The following ACYP2 variants were observed in gnomAD, a reference collection of about 807,000 sequenced individuals.
The protein encoded by ACYP2 is acylphosphatase-2.
In ACYP2, 12 loss-of-function variants were observed where a neutral mutation model predicts 11.2. The observed-to-expected ratio is 1.08, with a 90% CI of 0.69 to 1.74. ACYP2 has a LOEUF of 1.74. Among genes scored for constraint, ACYP2 ranks in the 40% most tolerant of loss-of-function variants. The pLI, the probability that ACYP2 is intolerant of heterozygous loss-of-function variation, is 0.00. For missense variants in ACYP2, 134 were observed against 101.9 expected, an observed-to-expected ratio of 1.31 and a Z score of -1.35; for synonymous variants, 43 against 32.2, an observed-to-expected ratio of 1.33 and a Z score of -1.13.
chr2:54,068,948 G>A (rs1676878364), intron 4 of ACYP2, among the ~76,000 whole-genome samples: 1 of 150,780 alleles, frequency 6.6e-6, no homozygotes, highest in Non-Finnish European at 1.5e-5. Flanking sequence ...TATTTTTAAG[G>A]CAGGGTCTCT....
At chr2:54,128,527 C>CGTG (rs943020934) in intron 4 of ACYP2, among the ~76,000 whole-genome samples, 7 of 152,150 alleles carry the variant, frequency 4.6e-5, no homozygotes, top group African/African-American at 1.4e-4. Context: ...ACTATCCAGA[C>CGTG]GTGGTGGTGT....
intron 2 of ACYP2, among the ~76,000 whole-genome samples, chr2:53,986,571 A>G (rs1672047372): frequency 6.6e-6 from 1 of 151,526 alleles, no homozygotes; most frequent in Non-Finnish European, 1.5e-5. Flanking sequence ...TCCTGACCTC[A>G]AGTGATCCTC....
chr2:54,102,418 C>G (rs922373672), intron 4 of ACYP2, among the ~76,000 whole-genome samples: 2 of 152,024 alleles, frequency 1.3e-5, no homozygotes, highest in African/African-American at 2.4e-5. Context: ...GATTCAAGAA[C>G]TCAAATGATG....
chr2:54,006,895 C>G (rs538662781), intron 2 of ACYP2, among the ~76,000 whole-genome samples: 1 of 151,890 alleles, frequency 6.6e-6, no homozygotes, highest in Non-Finnish European at 1.5e-5. Context: ...GAGACCGAGG[C>G]GGATGGATCA....
intron 6 of ACYP2, among the ~76,000 whole-genome samples, chr2:54,269,638 A>G (rs979934648): frequency 6.6e-6 from 1 of 152,220 alleles, no homozygotes; most frequent in Non-Finnish European, 1.5e-5. Context: ...AGGAAGCTGA[A>G]TAACTTACCA....
chr2:54,208,207 CTTT>C (rs1298417097), intron 6 of ACYP2, among the ~76,000 whole-genome samples: 3 of 150,820 alleles, frequency 2.0e-5, no homozygotes, highest in South Asian at 2.1e-4. Context: ...AAAAAAAAAA[CTTT>C]TTATTTCCCC....
At chr2:54,238,497 A>G (rs1686595351) in intron 6 of ACYP2, among the ~76,000 whole-genome samples, 1 of 152,176 alleles carries the variant, frequency 6.6e-6, no homozygotes, top group African/African-American at 2.4e-5. Flanking sequence ...AAGTCTTTTA[A>G]TTTGTATGGT....
chr2:54,094,884 T>G (rs1192619848), intron 4 of ACYP2, among the ~76,000 whole-genome samples: 3 of 152,170 alleles, frequency 2.0e-5, no homozygotes, highest in Non-Finnish European at 4.4e-5. Context: ...CTGTTTTTTT[T>G]TAAACTTCCT....
chr2:54,280,929 G>C (rs980313376), intron 6 of ACYP2, among the ~76,000 whole-genome samples: 1 of 152,128 alleles, frequency 6.6e-6, no homozygotes. Flanking sequence ...GAATCTACCA[G>C]GTGTCAGAAT....
intron 2 of ACYP2, among the ~76,000 whole-genome samples, chr2:54,037,657 C>A (rs951477087): frequency 2.0e-5 from 3 of 152,146 alleles, no homozygotes; most frequent in East Asian, 1.9e-4. Flanking sequence ...ATCCTCCCCC[C>A]TCACCCTCCC....
intron 6 of ACYP2, among the ~76,000 whole-genome samples, chr2:54,242,697 A>G (rs1039031687): frequency 1.3e-5 from 2 of 152,114 alleles, no homozygotes; most frequent in African/African-American, 4.8e-5. Flanking sequence ...CATACTATAC[A>G]CTCCATTGCA....
chr2:54,249,999 T>G lies in ACYP2; in HGVS notation c.405-54689T>G, dbSNP rs556509461. Among the ~76,000 whole-genome samples the G allele has an allele frequency of 8.0e-5, 12 of 150,894 alleles. No homozygotes were observed. In the East Asian group the frequency reaches 2.3e-3, roughly 29 times the overall value. On this transcript the variant is annotated intron_variant, in intron 6 of 6. Transcript: ENST00000607452. ...CACATAGTTTTCATCCTTTAAGTGG[T>G]TTGCTTAAGTTAACATCTGGTTTAT...
In ACYP2 at chr2:54,304,856, C is replaced by A; in HGVS notation, c.*54C>A. 2 of 985,716 alleles carry A rather than the reference C, an allele frequency of 2.0e-6. No homozygotes were observed. Among genetic ancestry groups the A allele is most frequent in the Non-Finnish European group, 3.0e-6 (2 of 657,524 alleles). The allele number at this position is 985,716 out of a possible 1,614,324, so 61.1% of individuals were successfully genotyped here. On this transcript the variant is annotated 3_prime_UTR_variant, in exon 7 of 7. Coordinates refer to ENST00000607452, the MANE Select transcript of ACYP2 (RefSeq NM_001320586.2). ...CAATAGATACTGTATGTTCTTAAGA[C>A]TATGTATACTAGAATAATAGTAGCA... is the stretch of plus-strand genomic sequence containing the variant.
At chr2:54,287,346 C>T (rs1168663923) in intron 6 of ACYP2, among the ~76,000 whole-genome samples, 1 of 152,078 alleles carries the variant, frequency 6.6e-6, no homozygotes, top group East Asian at 1.9e-4. Flanking sequence ...CCCCTCATGA[C>T]CTAATCACCT....
intron 6 of ACYP2, among the ~76,000 whole-genome samples, chr2:54,273,406 T>G (rs1409084229): frequency 6.6e-6 from 1 of 152,248 alleles, no homozygotes; most frequent in Non-Finnish European, 1.5e-5. Flanking sequence ...CTGTAGATTT[T>G]GTAATTATGG....
intron 6 of ACYP2, chr2:54,256,090 T>G: frequency 6.2e-7 from 1 of 1,614,102 alleles, no homozygotes; most frequent in Non-Finnish European, 8.5e-7. Flanking sequence ...CTGGCCCTGG[T>G]GCGGGTCTTC....
At chr2:54,189,126 GAA>G (rs1402520664) in intron 6 of ACYP2, among the ~76,000 whole-genome samples, 2 of 152,176 alleles carry the variant, frequency 1.3e-5, no homozygotes, top group African/African-American at 2.4e-5. Flanking sequence ...TTACTATAGT[GAA>G]GCAAATTAAC....
At chr2:54,239,426 G>A (rs926890866) in intron 6 of ACYP2, among the ~76,000 whole-genome samples, 5 of 152,166 alleles carry the variant, frequency 3.3e-5, no homozygotes, top group African/African-American at 1.2e-4. Context: ...CATCAACCTA[G>A]AGCCTCCCGC....
chr2:54,202,405 C>CTTTTTTTTTTTTTTTTTTT (rs61634500), intron 6 of ACYP2, among the ~76,000 whole-genome samples: 10 of 116,370 alleles, frequency 8.6e-5, no homozygotes, highest in African/African-American at 3.6e-4. Context: ...CTGTGCCTGG[C>CTTTTTTTTTTTTTTTTTTT]TTTTTTTTTT....
Sources: allele counts gnomAD v4.1 joint callset (sites outside exome capture counted in the v4.1 genomes callset), GRCh38; gene constraint gnomAD v4.1.1; transcripts MANE v1.5; gene names NCBI Gene and HGNC (gene_info 2026-07-23, HGNC 2026-07-21).